The following CASKIN1 variants were observed in gnomAD, a reference collection of about 807,000 sequenced individuals.
CASKIN1 encodes the protein CASK interacting protein 1.
CASKIN1 carries 42 observed loss-of-function variants against 117.5 expected under a neutral mutation model. The observed-to-expected ratio is 0.36, with a 90% confidence interval of 0.28 to 0.46. The LOEUF is 0.46. CASKIN1 is among the 20% of genes least tolerant of loss of function. CASKIN1 has a pLI of 1.00. For synonymous variants in CASKIN1, 1,148 were observed against 961.7 expected (o/e 1.19, Z -3.59); for missense variants, 2,083 against 2,077.3 (o/e 1.00, Z -0.05).
In CASKIN1 at chr16:2,179,820, G is replaced by A. The variant is rs773053756; in HGVS notation, c.3548C>T (p.Ser1183Leu). 4 of 1,591,768 alleles carry A rather than the reference G, an allele frequency of 2.5e-6. No homozygotes were observed. Among genetic ancestry groups the A allele is most frequent in the Middle Eastern group, 3.3e-4 (2 of 5,976 alleles). ...CAGCTCCGGAGGCCCAGCCTGCTCC[G>A]AGGCCGGTCGGCGGCGCACGGTGCC... ...GTGTVRRRPA[S>L]EQAGPPELPP... Residue 1183 changes from serine to leucine, a missense_variant, in exon 18 of 20, where the codon TCG (serine) becomes TTG (leucine). Transcript: ENST00000343516. The surrounding 1 kb of genome is among the most constrained non-coding windows in gnomAD (Gnocchi z 5.8).
intron 16 of CASKIN1, 111 bp downstream of exon 16, chr16:2,183,535 T>C: frequency 2.9e-6 from 3 of 1,032,892 alleles, no homozygotes; most frequent in Non-Finnish European, 4.3e-6. Flanking sequence ...CACTCTCCTC[T>C]CCCTCAAGCC....
rs763706793 is a variant in CASKIN1, at chr16:2,183,653, T to C, written c.1622A>G (p.His541Arg). The C allele has an allele frequency of 2.5e-6, 4 of 1,613,152 alleles. No individual in the cohort carries two copies. The Admixed American group carries it at 6.7e-5, about 27-fold the overall frequency. ...GLSIPDWLPE[H>R]KPANLAVWLS... ...GGATGCAGGTGGCCTTACGGGTTTG[T>C]GCTCAGGCAGCCAGTCAGGGATGCT... Residue 541 changes from histidine to arginine, a missense_variant, in exon 16 of 20, where the codon CAC (histidine) becomes CGC (arginine). Physicochemically the swap from His to Arg is conservative, Grantham distance 29 (BLOSUM62 0). This residue lies in a region of CASKIN1 where 1,818 missense variants were observed against 1,688.9 expected (regional missense o/e 1.08). Transcript: ENST00000343516.
At position 2,181,042 on chromosome 16, in the gene CASKIN1, G is replaced by T; in HGVS notation, c.2326C>A (p.Pro776Thr). 1 of 1,488,102 alleles carries T rather than the reference G, an allele frequency of 6.7e-7. No homozygotes were observed. The highest frequency in any genetic ancestry group is 1.4e-5 in the South Asian group (1 of 72,050). 92.2% of individuals were successfully genotyped at this position (1,488,102 alleles called of 1,614,324 possible). Residue 776 changes from proline (P) to threonine (T), a missense_variant, in exon 18 of 20, where the codon CCC (proline) becomes ACC (threonine). Physicochemically the swap from Pro to Thr is conservative, Grantham distance 38. Coordinates refer to ENST00000343516, the MANE Select transcript of CASKIN1 (RefSeq NM_020764.4). ...CGGGTTTTGGTGGGCGTCTGGGGGG[G>T]CGTGAAGTGGCTAGTGCCTGGTGGG... is the stretch of plus-strand genomic sequence containing the variant. ...VLPPGTSHFT[P>T]PQTPTKTRPG... is the part of the protein sequence containing the mutation.
At chr16:2,184,501 C>T (rs1404525205) in intron 14 of CASKIN1, among the ~76,000 whole-genome samples, 3 of 152,302 alleles carry the variant, frequency 2.0e-5, no homozygotes, top group African/African-American at 4.8e-5. Context: ...TACACAGACA[C>T]GCGTGCCCAG....
chr16:2,188,922 C>T (rs952614808), intron 6 of CASKIN1, 105 bp downstream of exon 6: 4 of 1,480,330 alleles, frequency 2.7e-6, no homozygotes, highest in South Asian at 1.3e-5. Context: ...GGGACCCTGC[C>T]TGCTCCCGCC....
In CASKIN1 at chr16:2,190,155, G is replaced by A. The variant is rs761648295; in HGVS notation, c.162C>T (p.His54=). 21 of 1,612,958 alleles carry A rather than the reference G, an allele frequency of 1.3e-5. No homozygotes were observed. The highest frequency in any genetic ancestry group is 8.3e-5 in the Admixed American group (5 of 59,998). The change falls in exon 3 of 20, where the codon CAC becomes CAT. Residue 54 remains histidine (H), a synonymous_variant. Transcript: ENST00000343516. ...FQDPDGFSAL[H]HAALNGNTEL... ...CCGTGTTGCCGTTCAGGGCCGCATG[G>A]TGCAGAGCCGAGAAGCTGGCACGTG...
intron 1 of CASKIN1, among the ~76,000 whole-genome samples, chr16:2,192,229 G>T (rs1201157064): frequency 3.3e-5 from 5 of 151,994 alleles, no homozygotes; most frequent in Non-Finnish European, 7.4e-5. Context: ...AGCCCAGGAG[G>T]TTGAAGCTGC....
At position 2,180,682 on chromosome 16, in the gene CASKIN1, C is replaced by T. The variant is rs776265068; in HGVS notation, c.2686G>A (p.Asp896Asn). 5.3e-6 allele frequency: 8 copies of T among 1,507,812 alleles called. No homozygotes were observed. In the Admixed American group the frequency reaches 1.3e-4, roughly 25 times the overall value. The allele number at this position is 1,507,812 out of a possible 1,614,324, so 93.4% of individuals were successfully genotyped here. Residue 896 changes from aspartate (D) to asparagine (N), a missense_variant, in exon 18 of 20, where the codon GAC (aspartate) becomes AAC (asparagine). By Grantham distance (23) the Asp-to-Asn change is conservative. Coordinates refer to ENST00000343516, the MANE Select transcript of CASKIN1 (RefSeq NM_020764.4). ...GCAGCCGCAGGCACCAGCAGCTCGT[C>T]CCGCTCCGGCTCGCTGTCGGACGCC... ...YAASDSEPER[D>N]ELLVPAAAGP...
chr16:2,195,028 C>T (rs1034500055), intron 1 of CASKIN1, among the ~76,000 whole-genome samples: 2 of 152,232 alleles, frequency 1.3e-5, no homozygotes, highest in African/African-American at 2.4e-5. Flanking sequence ...TGTCCAAGGT[C>T]ATGCGGCCAC....
intron 3 of CASKIN1, among the ~76,000 whole-genome samples, 154 bp downstream of exon 3, chr16:2,189,919 C>T: frequency 6.6e-6 from 1 of 152,098 alleles, no homozygotes; most frequent in South Asian, 2.1e-4. Flanking sequence ...CCAGCCCCAC[C>T]CCTGGCCTCC....
intron 16 of CASKIN1, 105 bp downstream of exon 16, chr16:2,183,541 A>G: frequency 9.0e-7 from 1 of 1,109,374 alleles, no homozygotes; most frequent in African/African-American, 1.5e-5. Flanking sequence ...CCTCTCCCTC[A>G]AGCCCCTGAG....
At position 2,179,039 on chromosome 16, in the gene CASKIN1, G is replaced by A; in HGVS notation, c.4062C>T (p.Ala1354=). 2.4e-6 allele frequency: 2 copies of A among 831,208 alleles called. No individual in the cohort carries two copies. Among genetic ancestry groups the A allele is most frequent in the Middle Eastern group, 6.1e-4 (1 of 1,636 alleles). The allele number at this position is 831,208 out of a possible 1,614,324, so 51.5% of individuals were successfully genotyped here. ...RAAAAAAAAA[A]APPAPPEGAS... ...CGCCTTCGGGCGGGGCGGGGGGCGCGGCGGCGGCGGCGGCGGCGGCGGCGG... is the reference window on the plus strand; with the variant it reads ...CGCCTTCGGGCGGGGCGGGGGGCGCAGCGGCGGCGGCGGCGGCGGCGGCGG... The change falls in exon 19 of 20, where the codon GCC becomes GCT. Residue 1354 remains alanine, a synonymous_variant. Transcript: ENST00000343516. This position sits in a 1 kb window ranked among gnomAD's most constrained non-coding sequence, Gnocchi z 5.8.
chr16:2,181,906 G>A lies in CASKIN1; in HGVS notation c.1653C>T (p.Ser551=). The part of the protein sequence containing the change: ...HKPANLAVWL[S]MIGLAQYYKV... ...TGTAGTACTGGGCCAGGCCGATCAT[G>A]GACAGCCACACGGCCAGGTTAGCCT... Residue 551 remains serine, a synonymous_variant, in exon 17 of 20, where the codon TCC becomes TCT. Coordinates refer to ENST00000343516, the MANE Select transcript of CASKIN1 (RefSeq NM_020764.4). 6.2e-7 allele frequency: 1 copy of A among 1,613,694 alleles called. No individual in the cohort carries two copies. Among genetic ancestry groups the A allele is most frequent in the South Asian group, 1.1e-5 (1 of 91,074 alleles).
rs759731785 is a variant in CASKIN1 at position 2,180,797 on chromosome 16, C to T, written c.2571G>A (p.Pro857=). The stretch of plus-strand genomic sequence containing the variant: ...GCAGGCACAGTGTGGGCACAGCCGT[C>T]GGCACGGGTGGGGGCGCAGGCCCCG... ...AAPGPAPPPV[P]TAVPTLCLPP... is the part of the protein sequence containing the mutation. Residue 857 remains proline, a synonymous_variant, in exon 18 of 20, where the codon CCG becomes CCA. Transcript: ENST00000343516. The T allele has an allele frequency of 1.4e-5, 20 of 1,401,936 alleles. No homozygotes were observed. Among genetic ancestry groups the T allele is most frequent in the East Asian group, 5.6e-5 (2 of 35,448 alleles). The allele number at this position is 1,401,936 out of a possible 1,614,324, so 86.8% of individuals were successfully genotyped here.
chr16:2,180,318 C>A lies in CASKIN1; in HGVS notation c.3050G>T (p.Gly1017Val). The change falls in exon 18 of 20, where the codon GGC becomes GTC. Residue 1017 changes from glycine to valine, a missense_variant. By Grantham distance (109) the Gly-to-Val change is moderately radical (BLOSUM62 -3). This residue lies in a region of CASKIN1 where 1,818 missense variants were observed against 1,688.9 expected (regional missense o/e 1.08). Coordinates refer to ENST00000343516, the MANE Select transcript of CASKIN1 (RefSeq NM_020764.4). ...CTCAGGAGGCCTGCGGGCAGCCCGG[C>A]CCCCACCCCCAATGGAGGACAGCTC... ...MLELSSIGGG[G>V]RAARRPPEGH... 1 of 1,595,288 alleles carries A rather than the reference C, an allele frequency of 6.3e-7. No homozygotes were observed. Among genetic ancestry groups the A allele is most frequent in the Non-Finnish European group, 8.5e-7 (1 of 1,176,102 alleles).
intron 1 of CASKIN1, among the ~76,000 whole-genome samples, chr16:2,191,137 C>G (rs1249583584): frequency 6.6e-6 from 1 of 152,222 alleles, no homozygotes; most frequent in Non-Finnish European, 1.5e-5. Flanking sequence ...AAACCCCCGC[C>G]TATCTGGGCC....
rs780063463 is a variant in CASKIN1, at chr16:2,181,362, G to C, written c.2006C>G (p.Ala669Gly). 5.0e-6 allele frequency: 8 copies of C among 1,607,672 alleles called. No individual in the cohort carries two copies. The highest frequency in any genetic ancestry group is 1.7e-5 in the Admixed American group (1 of 59,634). The stretch of plus-strand genomic sequence containing the variant: ...CTTCTCAGTGGTGGGCCCCACCTCA[G>C]CCGGGCCAGTCATGGCAGCCTGCAG... ...DELQAAMTGP[A>G]EVGPTTEKPS... Residue 669 changes from alanine (A) to glycine (G), a missense_variant, in exon 18 of 20, where the codon GCT (alanine) becomes GGT (glycine). Coordinates refer to ENST00000343516, the MANE Select transcript of CASKIN1 (RefSeq NM_020764.4).
Position 2,177,296 on chromosome 16 carries a change from G to A in CASKIN1, c.*1254C>T, listed in dbSNP as rs923028948. 2.2e-4 allele frequency: 51 copies of A among 235,350 alleles called. No homozygotes were observed. Among genetic ancestry groups the A allele is most frequent in the Non-Finnish European group, 1.1e-4 (13 of 119,288 alleles). 14.6% of individuals were successfully genotyped at this position (235,350 alleles called of 1,614,324 possible). A position where few individuals can be genotyped will look rare whatever the true frequency, so the allele number is the denominator to read the frequency against. On this transcript the variant is annotated 3_prime_UTR_variant, in exon 20 of 20. Coordinates refer to ENST00000343516, the MANE Select transcript of CASKIN1 (RefSeq NM_020764.4). ...GAGGAGAGGCCTGGGGGGACAGCTG[G>A]GCACGTCCACTCGCAGGGAAACACG...
At position 2,180,903 on chromosome 16, in the gene CASKIN1, G is replaced by A. The variant is rs767464052; in HGVS notation, c.2465C>T (p.Ser822Phe). The change falls in exon 18 of 20, where the codon TCC becomes TTC. Residue 822 changes from serine to phenylalanine, a missense_variant. Physicochemically the swap from Ser to Phe is radical, Grantham distance 155. Transcript: ENST00000343516. ...GCGGTGCGTCGGTGACTGAGGCAGG[G>A]AGCGGGGTGACATGGGGCGCTCTGT... ...PPTERPMSPR[S>F]LPQSPTHRGF... 2.2e-5 allele frequency: 32 copies of A among 1,450,930 alleles called. No individual in the cohort carries two copies. The highest frequency in any genetic ancestry group is 2.6e-5 in the East Asian group (1 of 38,296). The allele number at this position is 1,450,930 out of a possible 1,614,324, so 89.9% of individuals were successfully genotyped here.
Sources: gnomAD v4.1 joint callset for allele counts (sites outside exome capture counted in the v4.1 genomes callset) on GRCh38, gnomAD v4.1.1 for gene constraint, gnomAD v4.1.1 regional missense constraint, Gnocchi (gnomAD v3.1) non-coding constraint, MANE v1.5 for transcripts, NCBI Gene and HGNC (gene_info 2026-07-23, HGNC 2026-07-21) for gene names.